MYO1D: variants seen among roughly 807,000 people sequenced by gnomAD.
The protein encoded by MYO1D is unconventional myosin-Id.
In MYO1D, 83 loss-of-function variants were observed where a neutral mutation model predicts 122.0. The observed-to-expected ratio is 0.68, with a 90% CI of 0.57 to 0.82. The LOEUF (loss-of-function observed/expected upper bound fraction) is 0.82, where lower values mean the gene tolerates loss of function less well. Ranked by LOEUF, MYO1D falls within the 40% of genes least tolerant of loss-of-function variation. The pLI is 0.00. For synonymous variants in MYO1D, 464 were observed against 446.9 expected (o/e 1.04, Z -0.48); for missense variants, 1,157 against 1,269.5 (o/e 0.91, Z 1.35).
chr17:32,725,707 A>G (rs2089563563), intron 14 of MYO1D, among the ~76,000 whole-genome samples: 1 of 152,102 alleles, frequency 6.6e-6, no homozygotes, highest in Admixed American at 6.6e-5. Context: ...GACAGAAGAA[A>G]TATTTGAAAA....
Position 32,772,831 on chromosome 17 carries a change from A to G in MYO1D, c.576T>C (p.Ile192=). ...NNYLLEKSRV[I]VQQPGERSFH... is the part of the protein sequence containing the mutation. ...AGCTTCTTTCTCCTGGCTGTTGCAC[A>G]ATCACTCGAGACTAAGAAAAAACAC... is the stretch of plus-strand genomic sequence containing the variant. The change falls in exon 5 of 22, where the codon ATT becomes ATC. Residue 192 remains isoleucine (I), a synonymous_variant. Transcript: ENST00000318217. 1 of 1,613,634 alleles carries G rather than the reference A, an allele frequency of 6.2e-7. No homozygotes were observed. The highest frequency in any genetic ancestry group is 8.5e-7 in the Non-Finnish European group (1 of 1,179,502).
intron 15 of MYO1D, among the ~76,000 whole-genome samples, chr17:32,713,037 T>A (rs978099191): frequency 6.6e-6 from 1 of 152,248 alleles, no homozygotes; most frequent in Non-Finnish European, 1.5e-5. Flanking sequence ...TTTTCCATCA[T>A]GCAAAGTTGT....
intron 16 of MYO1D, among the ~76,000 whole-genome samples, chr17:32,669,258 T>C (rs528646693): frequency 1.3e-5 from 2 of 152,324 alleles, no homozygotes; most frequent in South Asian, 4.1e-4. Flanking sequence ...CCTCTCCTTG[T>C]ACTAGGAAGA....
intron 1 of MYO1D, among the ~76,000 whole-genome samples, chr17:32,790,316 C>T (rs2090337215): frequency 6.6e-6 from 1 of 152,150 alleles, no homozygotes; most frequent in Non-Finnish European, 1.5e-5. Context: ...CATCTCATGC[C>T]ATCTACCTCT....
chr17:32,732,567 C>A (rs1339154904), intron 14 of MYO1D, among the ~76,000 whole-genome samples: 1 of 152,120 alleles, frequency 6.6e-6, no homozygotes, highest in Non-Finnish European at 1.5e-5. Context: ...GATGAGTAGA[C>A]AATGGGAGGA....
intron 1 of MYO1D, among the ~76,000 whole-genome samples, chr17:32,847,676 G>A (rs1466364305): frequency 6.6e-6 from 1 of 152,044 alleles, no homozygotes; most frequent in Non-Finnish European, 1.5e-5. Context: ...CATCACGCCT[G>A]GCTAATTTTT....
intron 13 of MYO1D, among the ~76,000 whole-genome samples, chr17:32,742,286 G>T (rs1213393772): frequency 1.3e-5 from 2 of 152,168 alleles, no homozygotes; most frequent in Non-Finnish European, 2.9e-5. Context: ...GTGGAGGAGG[G>T]TACCAGATGG....
intron 1 of MYO1D, among the ~76,000 whole-genome samples, chr17:32,844,133 CACA>C (rs144819096): frequency 0.015 from 2,190 of 149,574 alleles, 44 homozygotes; most frequent in African/African-American, 0.048. Flanking sequence ...TTATATGTAA[CACA>C]ACAAGTAACA....
chr17:32,778,146 C>T (rs920845052), intron 3 of MYO1D, among the ~76,000 whole-genome samples: 7 of 152,196 alleles, frequency 4.6e-5, no homozygotes, highest in Admixed American at 3.9e-4. Context: ...ATTATAACAG[C>T]TCTGCTGACC....
chr17:32,537,336 C>T (rs1313057582), intron 21 of MYO1D, among the ~76,000 whole-genome samples: 1 of 152,172 alleles, frequency 6.6e-6, no homozygotes, highest in Non-Finnish European at 1.5e-5. Context: ...TGGAACACAG[C>T]CATGTCCATT....
chr17:32,505,071 G>T (rs1158840359), intron 21 of MYO1D: 1 of 152,426 alleles, frequency 6.6e-6, no homozygotes, highest in Non-Finnish European at 1.5e-5. Flanking sequence ...CCTTGGGTCT[G>T]CCCCAGCACA....
chr17:32,832,519 C>T (rs557083987), intron 1 of MYO1D, among the ~76,000 whole-genome samples: 2 of 152,048 alleles, frequency 1.3e-5, no homozygotes, highest in African/African-American at 4.8e-5. Flanking sequence ...AGGATGGTCT[C>T]GATCTCCTGA....
chr17:32,647,077 C>T (rs989235640), intron 19 of MYO1D, among the ~76,000 whole-genome samples: 3 of 152,142 alleles, frequency 2.0e-5, no homozygotes, highest in African/African-American at 7.2e-5. Flanking sequence ...TTGTTTTTCC[C>T]TAAACACTAC....
At position 32,605,294 on chromosome 17, in the gene MYO1D, A is replaced by G. The variant is rs957854233; in HGVS notation, c.2710-53T>C. 7.4e-6 allele frequency: 11 copies of G among 1,477,360 alleles called. No individual in the cohort carries two copies. The African/African-American group carries it at 1.5e-4, about 20-fold the overall frequency. 91.5% of individuals were successfully genotyped at this position (1,477,360 alleles called of 1,614,324 possible). ...ATTTGGATCATTCTCAAAAGAATGA[A>G]TTAAAAAATACATTTTGGAGCTGGG... On this transcript the variant is annotated intron_variant, in intron 20 of 21. Transcript: ENST00000318217.
chr17:32,831,465 C>T (rs2090770993), intron 1 of MYO1D, among the ~76,000 whole-genome samples: 1 of 152,156 alleles, frequency 6.6e-6, no homozygotes, highest in South Asian at 2.1e-4. Context: ...GCTGATGGAG[C>T]ATTAAGTGCT....
intron 1 of MYO1D, among the ~76,000 whole-genome samples, chr17:32,853,882 T>C (rs1434080555): frequency 6.6e-6 from 1 of 152,190 alleles, no homozygotes; most frequent in South Asian, 2.1e-4. Flanking sequence ...TTAGGAAGCA[T>C]GGTATCTGCT....
intron 8 of MYO1D, among the ~76,000 whole-genome samples, chr17:32,762,016 C>A (rs779881608): frequency 2.0e-5 from 3 of 152,042 alleles, no homozygotes; most frequent in African/African-American, 7.2e-5. Flanking sequence ...CCCCCCACCT[C>A]GCAGATAAAC....
chr17:32,494,541 A>T lies in MYO1D; in HGVS notation c.*218T>A, dbSNP rs2150848124. ...AGCCCAGGGGTCTGGGCGGGGCACCAGGGTCTTTGGCTTATTGAACAGGGA... is the reference window on the plus strand; with the variant it reads ...AGCCCAGGGGTCTGGGCGGGGCACCTGGGTCTTTGGCTTATTGAACAGGGA... On this transcript the variant is annotated 3_prime_UTR_variant, in exon 22 of 22. Coordinates refer to ENST00000318217, the MANE Select transcript of MYO1D (RefSeq NM_015194.3). 1 of 610,382 alleles carries T rather than the reference A, an allele frequency of 1.6e-6. No individual in the cohort carries two copies. Among genetic ancestry groups the T allele is most frequent in the East Asian group, 3.0e-5 (1 of 33,456 alleles). The allele number at this position is 610,382 out of a possible 1,614,324, so 37.8% of individuals were successfully genotyped here. A position where few individuals can be genotyped will look rare whatever the true frequency, so the allele number is the denominator to read the frequency against.
In MYO1D at chr17:32,559,987, T is replaced by C. The variant is rs537775334; in HGVS notation, c.2864+45100A>G. ...TGCATAAAAAGTGTGCCAGGTGTGGTGGCTCACGCCTGTAATCCCAGCACT... is the reference window on the plus strand; with the variant it reads ...TGCATAAAAAGTGTGCCAGGTGTGGCGGCTCACGCCTGTAATCCCAGCACT... On this transcript the variant is annotated intron_variant, in intron 21 of 21. Transcript: ENST00000318217. 7.9e-5 allele frequency among the ~76,000 whole-genome samples: 12 copies of C among 152,368 alleles called. No homozygotes were observed. In the South Asian group the frequency reaches 2.3e-3, roughly 29 times the overall value.
Sources: allele counts gnomAD v4.1 joint callset (sites outside exome capture counted in the v4.1 genomes callset), GRCh38; gene constraint gnomAD v4.1.1; transcripts MANE v1.5; gene names NCBI Gene and HGNC (gene_info 2026-07-23, HGNC 2026-07-21).